The following LIPA variants were observed in gnomAD, a reference collection of about 807,000 sequenced individuals.
LIPA encodes the protein lysosomal acid lipase/cholesteryl ester hydrolase.
A neutral mutation model predicts 40.6 loss-of-function variants in LIPA; 26 were observed. That is an observed-to-expected ratio of 0.64 (90% CI 0.47 to 0.89). LIPA has a LOEUF of 0.89. LIPA is among the 40% of genes least tolerant of loss of function. The probability of loss-of-function intolerance (pLI) is 0.00; values close to 1 mark genes in which losing one functional copy is unlikely to be tolerated. For missense variants in LIPA, 455 were observed against 479.6 expected (o/e 0.95, Z 0.48); for synonymous variants, 188 against 168.4 (o/e 1.12, Z -0.90).
At chr10:89,366,761 G>A (rs1844059721) in intron 2 of LIPA, among the ~76,000 whole-genome samples, 1 of 152,236 alleles carries the variant, frequency 6.6e-6, no homozygotes, top group South Asian at 2.1e-4. Flanking sequence ...GTGGAAGTCA[G>A]TGTGGCCATT....
intron 1 of LIPA, among the ~76,000 whole-genome samples, chr10:89,271,736 G>A (rs982482587): frequency 1.3e-5 from 2 of 152,206 alleles, no homozygotes; most frequent in African/African-American, 4.8e-5. Flanking sequence ...TGTTTGCCAA[G>A]GGCAAGTGTA....
At chr10:89,384,363 T>C (rs754742721) in intron 2 of LIPA, 2 of 1,614,166 alleles carry the variant, frequency 1.2e-6, no homozygotes, top group Non-Finnish European at 1.7e-6. Context: ...CTGAAACGTA[T>C]GCAGAAATAG....
chr10:89,230,207 TC>T (rs1264675810), intron 3 of LIPA, among the ~76,000 whole-genome samples: 9 of 152,312 alleles, frequency 5.9e-5, no homozygotes, highest in African/African-American at 2.2e-4. Flanking sequence ...TGCCAGGCCT[TC>T]TTCTCAGCAC....
intron 2 of LIPA, among the ~76,000 whole-genome samples, chr10:89,390,932 T>C (rs7897602): frequency 0.13 from 19,838 of 152,260 alleles, 3,372 homozygotes; most frequent in African/African-American, 0.39. Context: ...GGCCTGATCA[T>C]GTATCTGAGT....
upstream of LIPA, among the ~76,000 whole-genome samples, chr10:89,256,405 C>T (rs972182740): frequency 4.6e-5 from 7 of 152,108 alleles, no homozygotes; most frequent in African/African-American, 1.2e-4. Context: ...AAAGAACACA[C>T]GTAGAGATTC....
At chr10:89,340,181 T>C in intron 1 of LIPA, 1 of 1,512,574 alleles carries the variant, frequency 6.6e-7, no homozygotes, top group Non-Finnish European at 8.8e-7. Context: ...TTGTGACGGG[T>C]AGGACGATAG....
chr10:89,340,233 C>A (rs916813905), intron 1 of LIPA: 1 of 1,206,926 alleles, frequency 8.3e-7, no homozygotes, highest in Non-Finnish European at 1.1e-6. Flanking sequence ...AGCAGGGAAG[C>A]TTTGCATGTT....
At chr10:89,354,081 T>A (rs1265287232) in intron 2 of LIPA, among the ~76,000 whole-genome samples, 2 of 152,220 alleles carry the variant, frequency 1.3e-5, no homozygotes, top group Non-Finnish European at 2.9e-5. Context: ...GTCGATTTCT[T>A]TCTTCTAAGG....
chr10:89,366,125 G>T (rs142124413), intron 2 of LIPA, among the ~76,000 whole-genome samples: 12 of 152,134 alleles, frequency 7.9e-5, no homozygotes, highest in Non-Finnish European at 1.6e-4. Flanking sequence ...CTTTTATTTC[G>T]TTGAGCATTG....
chr10:89,337,995 G>A (rs1371615967), intron 1 of LIPA, among the ~76,000 whole-genome samples: 1 of 152,182 alleles, frequency 6.6e-6, no homozygotes, highest in African/African-American at 2.4e-5. Context: ...CTTTGTGTTA[G>A]GTGACTTTGC....
At chr10:89,255,235 C>T (rs1323204502), upstream of LIPA, among the ~76,000 whole-genome samples, 2 of 152,180 alleles carry the variant, frequency 1.3e-5, no homozygotes, top group Non-Finnish European at 2.9e-5. Context: ...TTAATTGACT[C>T]ACAGTTCCAC....
At chr10:89,383,807 A>G in intron 2 of LIPA, 1 of 1,614,138 alleles carries the variant, frequency 6.2e-7, no homozygotes, top group East Asian at 2.2e-5. Context: ...ACCTGCTTTG[A>G]AAAGGCTCTG....
At chr10:89,355,000 T>C (rs1409407752) in intron 2 of LIPA, among the ~76,000 whole-genome samples, 1 of 151,984 alleles carries the variant, frequency 6.6e-6, no homozygotes, top group African/African-American at 2.4e-5. Context: ...AGGAGGAGGA[T>C]TGGTGGATTC....
At chr10:89,252,839 G>T (rs1843149829), upstream of LIPA, among the ~76,000 whole-genome samples, 1 of 151,294 alleles carries the variant, frequency 6.6e-6, no homozygotes, top group African/African-American at 2.4e-5. Flanking sequence ...TAAGGAGGAT[G>T]ATATGTATAT....
intron 2 of LIPA, chr10:89,403,476 C>G (rs994668292): frequency 6.2e-7 from 1 of 1,612,210 alleles, no homozygotes; most frequent in Non-Finnish European, 8.5e-7. Context: ...TGCAATTATC[C>G]ATTATTTAAA....
At chr10:89,336,659 T>C (rs1180807939) in intron 1 of LIPA, among the ~76,000 whole-genome samples, 1 of 152,232 alleles carries the variant, frequency 6.6e-6, no homozygotes, top group Non-Finnish European at 1.5e-5. Context: ...GCAAGGAAAA[T>C]TCTTTCTTTT....
upstream of LIPA, among the ~76,000 whole-genome samples, chr10:89,253,879 T>C (rs1309107304): frequency 6.6e-6 from 1 of 152,236 alleles, no homozygotes; most frequent in Non-Finnish European, 1.5e-5. Context: ...ATCAAGGCAG[T>C]CATTTCTTAA....
chr10:89,381,449 G>A (rs1844162574), intron 2 of LIPA, among the ~76,000 whole-genome samples: 1 of 152,070 alleles, frequency 6.6e-6, no homozygotes, highest in African/African-American at 2.4e-5. Context: ...ATCTTCCTGG[G>A]CCACAGCTGG....
intron 1 of LIPA, among the ~76,000 whole-genome samples, chr10:89,290,872 G>A (rs1301001250): frequency 6.6e-6 from 1 of 152,184 alleles, no homozygotes; most frequent in Non-Finnish European, 1.5e-5. Context: ...CCTGTTTGGT[G>A]GTCTCTTCAC....
Sources: gnomAD v4.1 joint callset for allele counts (sites outside exome capture counted in the v4.1 genomes callset) on GRCh38, gnomAD v4.1.1 for gene constraint, MANE v1.5 for transcripts, NCBI Gene and HGNC (gene_info 2026-07-23, HGNC 2026-07-21) for gene names.